IQCE: variants seen among roughly 807,000 people sequenced by gnomAD.
The protein encoded by IQCE is IQ motif containing E.
In IQCE, 115 loss-of-function variants were observed where a neutral mutation model predicts 96.0. The ratio of observed to expected loss-of-function variants is 1.20; its 90% CI spans 1.03 to 1.40. IQCE has a LOEUF of 1.40. Among genes scored for constraint, IQCE ranks in the 40% most tolerant of loss-of-function variants. The pLI is 0.00. For synonymous variants in IQCE, 412 were observed against 371.2 expected (o/e 1.11, Z -1.26); for missense variants, 1,041 against 909.1 (o/e 1.15, Z -1.87).
chr7:2,576,142 G>A (rs1782108185), intron 6 of IQCE, among the ~76,000 whole-genome samples: 1 of 152,144 alleles, frequency 6.6e-6, no homozygotes, highest in Admixed American at 6.5e-5. Context: ...AGCCGCCCCC[G>A]CGGGGTGTGC....
intron 13 of IQCE, among the ~76,000 whole-genome samples, chr7:2,588,886 G>C (rs1306218247): frequency 6.6e-6 from 1 of 151,420 alleles, no homozygotes; most frequent in East Asian, 1.9e-4. Flanking sequence ...GACTGGTCTC[G>C]AACTCCTGAC....
intron 6 of IQCE, among the ~76,000 whole-genome samples, chr7:2,575,769 A>T (rs2917747): frequency 0.75 from 114,517 of 152,100 alleles, 43,344 homozygotes; most frequent in African/African-American, 0.78. Flanking sequence ...TTTTTTAGGC[A>T]GTTGGTTTCT....
chr7:2,607,714 G>A (rs1386158723), intron 21 of IQCE, among the ~76,000 whole-genome samples: 2 of 152,150 alleles, frequency 1.3e-5, no homozygotes, highest in African/African-American at 4.8e-5. Flanking sequence ...GTCCCTTCAT[G>A]TTTAAAGTAG....
rs550978212 is a variant in IQCE at position 2,609,714 on chromosome 7, C to T, written c.1970-330C>T. The stretch of plus-strand genomic sequence containing the variant: ...CTTTCTAGCAGGTGTGTAAGTTGGT[C>T]CTGAGGCTGGAGAGTGAGGCTTTCT... On this transcript the variant is annotated intron_variant, in intron 21 of 21. Coordinates refer to ENST00000402050, the MANE Select transcript of IQCE (RefSeq NM_152558.5). Among the ~76,000 whole-genome samples, 263 of 146,548 alleles carry T rather than the reference C, an allele frequency of 1.8e-3. 4 individuals carry two copies. The highest frequency in any genetic ancestry group is 6.7e-3 in the African/African-American group (263 of 38,984).
intron 11 of IQCE, chr7:2,584,735 G>A (rs1168852787): frequency 5.8e-6 from 1 of 171,034 alleles, no homozygotes; most frequent in Non-Finnish European, 1.3e-5. Context: ...CTGCTTCTGG[G>A]TGGCTGATCT....
chr7:2,606,459 T>C (rs573980470), intron 20 of IQCE, among the ~76,000 whole-genome samples: 8 of 152,214 alleles, frequency 5.3e-5, no homozygotes, highest in African/African-American at 1.9e-4. Context: ...GCTAGGACTC[T>C]CGGTTGCAGA....
chr7:2,605,332 T>A (rs191339618), intron 19 of IQCE, among the ~76,000 whole-genome samples: 1 of 152,242 alleles, frequency 6.6e-6, no homozygotes, highest in East Asian at 1.9e-4. Context: ...TAAGAATCCC[T>A]ATAGTAGGCC....
At chr7:2,560,155 G>C (rs1212361381) in intron 1 of IQCE, among the ~76,000 whole-genome samples, 1 of 152,182 alleles carries the variant, frequency 6.6e-6, no homozygotes, top group African/African-American at 2.4e-5. Flanking sequence ...AGGCTGAGGT[G>C]GGAGGATCGC....
At chr7:2,598,961 G>T (rs914072003) in intron 17 of IQCE, among the ~76,000 whole-genome samples, 2 of 152,180 alleles carry the variant, frequency 1.3e-5, no homozygotes, top group Non-Finnish European at 2.9e-5. Flanking sequence ...CACCGTGACT[G>T]CACCTAGGGC....
chr7:2,581,635 G>A (rs557202546), intron 8 of IQCE, among the ~76,000 whole-genome samples: 1 of 152,110 alleles, frequency 6.6e-6, no homozygotes. Context: ...GAGTCCAGGA[G>A]TTCAACACCA....
rs553129101 is a variant in IQCE, at chr7:2,572,413, A to G, written c.394+87A>G. On this transcript the variant is annotated intron_variant, in intron 5 of 21. Coordinates refer to ENST00000402050, the MANE Select transcript of IQCE (RefSeq NM_152558.5). ...CTGGGCTGGAGGCGTCCTTCGTCAG[A>G]GCAGGATTTCTGGCTTCGTGCATGA... 4.2e-5 allele frequency: 59 copies of G among 1,420,784 alleles called. No homozygotes were observed. The Admixed American group carries it at 4.4e-4, about 11-fold the overall frequency. The allele number at this position is 1,420,784 out of a possible 1,614,324, so 88.0% of individuals were successfully genotyped here.
intron 16 of IQCE, among the ~76,000 whole-genome samples, chr7:2,596,710 C>T (rs1282293908): frequency 2.6e-5 from 4 of 152,156 alleles, no homozygotes; most frequent in African/African-American, 4.8e-5. Context: ...CATTTATCTT[C>T]GGAGAAGCTG....
At chr7:2,561,244 C>T (rs1378933178) in intron 1 of IQCE, among the ~76,000 whole-genome samples, 1 of 152,072 alleles carries the variant, frequency 6.6e-6, no homozygotes, top group Non-Finnish European at 1.5e-5. Flanking sequence ...AGGCGTGAGC[C>T]ATTGCTCCCA....
intron 8 of IQCE, among the ~76,000 whole-genome samples, chr7:2,579,317 G>A (rs189980669): frequency 1.8e-4 from 27 of 152,128 alleles, no homozygotes; most frequent in African/African-American, 5.1e-4. Context: ...ATTATTGAAC[G>A]CAAAGAATAA....
At chr7:2,566,852 G>A (rs1383028366) in intron 1 of IQCE, among the ~76,000 whole-genome samples, 2 of 152,224 alleles carry the variant, frequency 1.3e-5, no homozygotes, top group East Asian at 3.8e-4. Context: ...ACAATTCTGT[G>A]GGAAATAGTG....
chr7:2,567,418 TGCA>T (rs1781460443), intron 2 of IQCE, among the ~76,000 whole-genome samples: 1 of 152,242 alleles, frequency 6.6e-6, no homozygotes, highest in Non-Finnish European at 1.5e-5. Flanking sequence ...GTCCCTGGCC[TGCA>T]GCTGGTTTTG....
chr7:2,562,298 A>ATATATATATG (rs1781026127), intron 1 of IQCE, among the ~76,000 whole-genome samples: 1 of 151,596 alleles, frequency 6.6e-6, no homozygotes, highest in Admixed American at 6.6e-5. Flanking sequence ...ATATATATAT[A>ATATATATATG]TATAAAATCC....
At chr7:2,579,484 A>C (rs1782482917) in intron 8 of IQCE, among the ~76,000 whole-genome samples, 1 of 152,080 alleles carries the variant, frequency 6.6e-6, no homozygotes, top group African/African-American at 2.4e-5. Context: ...TAGAAAATAC[A>C]AAAAAAACTA....
chr7:2,602,737 AC>A (rs1362796674), intron 18 of IQCE, among the ~76,000 whole-genome samples: 2 of 152,116 alleles, frequency 1.3e-5, no homozygotes, highest in African/African-American at 4.8e-5. Context: ...TGTGCCGGGC[AC>A]CAGAGGAGCT....
Sources: allele counts gnomAD v4.1 joint callset (sites outside exome capture counted in the v4.1 genomes callset), GRCh38; gene constraint gnomAD v4.1.1; transcripts MANE v1.5; gene names NCBI Gene and HGNC (gene_info 2026-07-23, HGNC 2026-07-21).